The following WDR43 variants were observed in gnomAD, a reference collection of about 807,000 sequenced individuals.
WDR43 encodes the protein WD repeat domain 43, also known as WD repeat-containing protein 43.
A neutral mutation model predicts 91.4 loss-of-function variants in WDR43; 13 were observed. The ratio of observed to expected loss-of-function variants is 0.14; its 90% CI spans 0.09 to 0.23. The LOEUF (loss-of-function observed/expected upper bound fraction) is 0.23, where lower values mean the gene tolerates loss of function less well. Among genes scored for constraint, WDR43 ranks in the 10% least tolerant of loss-of-function variants. The pLI is 1.00. For missense variants in WDR43, 780 were observed against 809.4 expected (o/e 0.96, Z 0.44); for synonymous variants, 331 against 287.9 (o/e 1.15, Z -1.51).
At chr2:28,938,090 C>G (rs1671367037) in intron 14 of WDR43, 96 bp downstream of exon 14, 1 of 1,294,104 alleles carries the variant, frequency 7.7e-7, no homozygotes, top group Admixed American at 2.1e-5. Flanking sequence ...ACCATCCTTT[C>G]CCCATCTATC....
chr2:28,940,093 C>T (rs1468473727), intron 14 of WDR43, among the ~76,000 whole-genome samples: 4 of 111,484 alleles, frequency 3.6e-5, no homozygotes, highest in Non-Finnish European at 5.0e-5. Context: ...GCCTGGGCGA[C>T]AGAGCGAGAC....
Position 28,929,606 on chromosome 2 carries a change from A to G in WDR43, c.1333A>G (p.Met445Val), listed in dbSNP as rs1278581235. 6.2e-6 allele frequency: 10 copies of G among 1,612,762 alleles called. No individual in the cohort carries two copies. The East Asian group carries it at 6.7e-5, about 11-fold the overall frequency. Residue 445 changes from methionine (M) to valine (V), a missense_variant, in exon 11 of 18, where the codon ATG (methionine) becomes GTG (valine). Met to Val is a conservative substitution (Grantham distance 21). Transcript: ENST00000407426. ...EVSIEERLGA[M>V]DIDTHKKGKE... ...TAGCATTGAAGAACGTCTGGGAGCA[A>G]TGGATATAGACACACACAAAAAAGG...
chr2:28,901,096 A>G (rs1670570719), intron 1 of WDR43, among the ~76,000 whole-genome samples: 2 of 152,196 alleles, frequency 1.3e-5, no homozygotes, highest in Non-Finnish European at 2.9e-5. Flanking sequence ...TTAAGAAGAT[A>G]TTCTCTTTTC....
intron 6 of WDR43, among the ~76,000 whole-genome samples, chr2:28,919,091 C>G (rs1670971573): frequency 6.6e-6 from 1 of 152,028 alleles, no homozygotes; most frequent in East Asian, 1.9e-4. Context: ...GACCCTGTCT[C>G]TACAAAAAAT....
In WDR43 at chr2:28,894,891, C is replaced by G. The variant is rs766172800; in HGVS notation, c.193C>G (p.Leu65Val). The G allele has an allele frequency of 1.2e-6, 2 of 1,603,244 alleles. No homozygotes were observed. Among genetic ancestry groups the G allele is most frequent in the Non-Finnish European group, 1.7e-6 (2 of 1,175,452 alleles). ...SAHLSGTCTCLAWAPARLQAK... is the reference protein window; with the variant it reads ...SAHLSGTCTCVAWAPARLQAK... The stretch of plus-strand genomic sequence containing the variant: ...GCACCTCAGTGGTACCTGCACCTGT[C>G]TGGCCTGGGCGCCAGCGCGGCTGCA... The change falls in exon 1 of 18, where the codon CTG becomes GTG. Residue 65 changes from leucine (L) to valine (V), a missense_variant. Around this residue, in one of 4 missense-constraint regions of WDR43, gnomAD observed 175 missense variants for 113.8 expected, o/e 1.54. Coordinates refer to ENST00000407426, the MANE Select transcript of WDR43 (RefSeq NM_015131.3).
rs765340624 is a variant in WDR43 at position 28,895,401 on chromosome 2, C to A, written c.225+478C>A. The A allele has an allele frequency of 6.0e-4, 92 of 154,422 alleles. 1 individual carries two copies. The highest frequency in any genetic ancestry group is 4.7e-3 in the South Asian group (23 of 4,846). The allele number at this position is 154,422 out of a possible 1,614,324, so 9.6% of individuals were successfully genotyped here. A position where few individuals can be genotyped will look rare whatever the true frequency, so the allele number is the denominator to read the frequency against. ...TTCCGGACCTTCCCCCTCCTGCCCC[C>A]CCTTTGGGTGCCGGCTCACCACGTG... is the stretch of plus-strand genomic sequence containing the variant. On this transcript the variant is annotated intron_variant, in intron 1 of 17. Coordinates refer to ENST00000407426, the MANE Select transcript of WDR43 (RefSeq NM_015131.3).
At chr2:28,925,870 CTGTT>C (rs1162161586) in intron 8 of WDR43, among the ~76,000 whole-genome samples, 2 of 152,170 alleles carry the variant, frequency 1.3e-5, no homozygotes, top group East Asian at 1.9e-4. Flanking sequence ...CCATCCCTCT[CTGTT>C]TGCAGCCATT....
intron 5 of WDR43, among the ~76,000 whole-genome samples, chr2:28,915,676 T>G (rs1288211385): frequency 1.3e-5 from 2 of 152,216 alleles, no homozygotes; most frequent in Admixed American, 6.5e-5. Context: ...AGAGCGGGCC[T>G]AAAGTTCCCT....
chr2:28,914,351 G>A, intron 5 of WDR43, 143 bp downstream of exon 5: 4 of 1,112,094 alleles, frequency 3.6e-6, no homozygotes, highest in Non-Finnish European at 4.9e-6. Flanking sequence ...AATTGAGCCT[G>A]CCTACAAAAC....
Position 28,909,866 on chromosome 2 carries a change from C to G in WDR43, c.486-2724C>G, listed in dbSNP as rs534745654. 3.9e-5 allele frequency among the ~76,000 whole-genome samples: 6 copies of G among 152,252 alleles called. No homozygotes were observed. The East Asian group carries it at 9.6e-4, about 24-fold the overall frequency. ...TCTGCCTGGGCAACACAGTGAGACC[C>G]TGTTTGGGGGAAAAAGTATTGATTG... On this transcript the variant is annotated intron_variant, in intron 3 of 17. Transcript: ENST00000407426.
chr2:28,923,062 C>A, intron 7 of WDR43, 79 bp downstream of exon 7: 1 of 1,215,356 alleles, frequency 8.2e-7, no homozygotes, highest in Non-Finnish European at 1.2e-6. Flanking sequence ...CCTGGTTATT[C>A]TTTGCATCAT....
At chr2:28,895,202 A>G in intron 1 of WDR43, 2 of 316,046 alleles carry the variant, frequency 6.3e-6, no homozygotes, top group South Asian at 1.5e-4. Context: ...ACGGGCAGCC[A>G]TGTTCGCCAA....
At chr2:28,942,239 G>T in intron 15 of WDR43, 73 bp from the exon 16 acceptor site, 1 of 1,450,182 alleles carries the variant, frequency 6.9e-7, no homozygotes, top group South Asian at 1.2e-5. Flanking sequence ...GGGGAAGGTT[G>T]GGTATGCTGG....
chr2:28,900,554 T>C (rs1382065176), intron 1 of WDR43, among the ~76,000 whole-genome samples: 4 of 152,060 alleles, frequency 2.6e-5, no homozygotes, highest in African/African-American at 4.8e-5. Flanking sequence ...TTCCCCCAAC[T>C]CTCCTTGCCT....
chr2:28,942,182 G>T (rs1671450505), intron 15 of WDR43, 130 bp from the exon 16 acceptor site: 1 of 788,470 alleles, frequency 1.3e-6, no homozygotes, highest in Non-Finnish European at 2.1e-6. Flanking sequence ...TGTATTGTAT[G>T]AAGGTCCTCC....
chr2:28,941,396 G>T, intron 14 of WDR43, 65 bp from the exon 15 acceptor site: 1 of 1,257,524 alleles, frequency 8.0e-7, no homozygotes. Flanking sequence ...GCATAGCTGA[G>T]CATGATTTGC....
At chr2:28,898,533 A>T (rs1377218617) in intron 1 of WDR43, among the ~76,000 whole-genome samples, 2 of 152,218 alleles carry the variant, frequency 1.3e-5, no homozygotes, top group Non-Finnish European at 2.9e-5. Flanking sequence ...TGTGAAACAC[A>T]CATGCAGTGG....
At position 28,912,380 on chromosome 2, in the gene WDR43, T is replaced by C. The variant is rs545058517; in HGVS notation, c.486-210T>C. Among the ~76,000 whole-genome samples, 19 of 152,322 alleles carry C rather than the reference T, an allele frequency of 1.2e-4. No homozygotes were observed. The South Asian group carries it at 3.9e-3, about 32-fold the overall frequency. On this transcript the variant is annotated intron_variant, in intron 3 of 17. Coordinates refer to ENST00000407426, the MANE Select transcript of WDR43 (RefSeq NM_015131.3). The stretch of plus-strand genomic sequence containing the variant: ...TCCCATGCCTGCCAAAGGGAGATTG[T>C]GCTGTGTTAAGGAATGCAATCAATG...
intron 9 of WDR43, 116 bp downstream of exon 9, chr2:28,926,670 CTT>C (rs999309508): frequency 1.8e-5 from 16 of 892,818 alleles, no homozygotes; most frequent in Non-Finnish European, 2.6e-5. Context: ...TCTTTATTCT[CTT>C]GTCTTATAAA....
Sources: allele counts gnomAD v4.1 joint callset (sites outside exome capture counted in the v4.1 genomes callset), GRCh38; gene constraint gnomAD v4.1.1; regional missense constraint gnomAD v4.1.1; transcripts MANE v1.5; gene names NCBI Gene and HGNC (gene_info 2026-07-23, HGNC 2026-07-21).